The following MBP variants were observed in gnomAD, a reference collection of about 807,000 sequenced individuals.
The protein encoded by MBP is myelin basic protein.
Under a neutral mutation model 35.8 loss-of-function variants are expected in MBP, and 16 were observed. The ratio of observed to expected loss-of-function variants is 0.45; its 90% CI spans 0.30 to 0.68. MBP has a LOEUF of 0.68. Ranked by LOEUF, MBP falls within the 30% of genes least tolerant of loss-of-function variation. The pLI is 0.08. For synonymous variants in MBP, 143 were observed against 159.6 expected (o/e 0.90, Z 0.78); for missense variants, 380 against 404.7 (o/e 0.94, Z 0.52).
chr18:77,066,330 G>A lies in MBP; in HGVS notation c.107C>T (p.Ser36Leu). Residue 36 changes from serine (S) to leucine (L), a missense_variant, in exon 3 of 9, where the codon TCA becomes TTA. Coordinates refer to ENST00000355994, the MANE Select transcript of MBP (RefSeq NM_001025101.2). ...SEKKRNLGEL[S>L]RTTSEDNEVF... ...TTCGTTGTCCTCTGAGGTTGTCCGTGAAAGTTCACCCAGGTTTCTCTTTTT... is the reference window on the plus strand; with the variant it reads ...TTCGTTGTCCTCTGAGGTTGTCCGTAAAAGTTCACCCAGGTTTCTCTTTTT... 1 of 1,614,150 alleles carries A rather than the reference G, an allele frequency of 6.2e-7. No individual in the cohort carries two copies. Among genetic ancestry groups the A allele is most frequent in the East Asian group, 2.2e-5 (1 of 44,878 alleles).
intron 3 of MBP, among the ~76,000 whole-genome samples, chr18:77,050,227 T>C (rs535215397): frequency 5.9e-5 from 9 of 152,234 alleles, no homozygotes; most frequent in Non-Finnish European, 1.0e-4. Flanking sequence ...CCAAACTTGT[T>C]CAGTTTTGAC....
rs1046465516 is a variant in MBP at position 76,988,567 on chromosome 18, G to A, written c.718-40C>T. ...CAGAGAAATAATGACATGGTGGTCA[G>A]TGAAGGGAAAGTCCTTTCAATCAAC... On this transcript the variant is annotated intron_variant, in intron 6 of 8. Transcript: ENST00000355994. This position sits in a 1 kb window ranked among gnomAD's most constrained non-coding sequence, Gnocchi z 5.2. 5 of 1,595,376 alleles carry A rather than the reference G, an allele frequency of 3.1e-6. No homozygotes were observed. The highest frequency in any genetic ancestry group is 4.3e-6 in the Non-Finnish European group (5 of 1,169,912).
chr18:77,085,666 G>A (rs558308943), intron 2 of MBP, among the ~76,000 whole-genome samples: 5 of 149,984 alleles, frequency 3.3e-5, no homozygotes, highest in Non-Finnish European at 5.9e-5. Flanking sequence ...GTTTTAATGT[G>A]AGCATCAGTG....
chr18:77,013,183 T>C (rs1449032225), intron 4 of MBP: 1 of 985,432 alleles, frequency 1.0e-6, no homozygotes, highest in Non-Finnish European at 1.2e-6. Flanking sequence ...CCCTCCACAT[T>C]TGGATTTTCT....
Position 76,988,291 on chromosome 18 carries a change from A to G in MBP, c.750+204T>C. On this transcript the variant is annotated intron_variant, in intron 7 of 8. Transcript: ENST00000355994. The surrounding 1 kb of genome is among the most constrained non-coding windows in gnomAD (Gnocchi z 5.2). Reference sequence around the variant, plus strand: ...GCTGGGTCCCCGGCACAGAAGCAAGAGACCAGACCTTCCGGAAGGGAAGAC... The same window carrying G: ...GCTGGGTCCCCGGCACAGAAGCAAGGGACCAGACCTTCCGGAAGGGAAGAC... 6.4e-7 allele frequency: 1 copy of G among 1,553,902 alleles called. No homozygotes were observed. The highest frequency in any genetic ancestry group is 8.7e-7 in the Non-Finnish European group (1 of 1,148,504).
intron 4 of MBP, among the ~76,000 whole-genome samples, chr18:77,001,394 C>A (rs949030571): frequency 1.3e-5 from 2 of 152,248 alleles, no homozygotes; most frequent in African/African-American, 2.4e-5. Flanking sequence ...CCAGCCACTC[C>A]GCAGCAGTCC....
At chr18:77,016,281 T>C (rs1568291717) in intron 4 of MBP, 1 of 985,622 alleles carries the variant, frequency 1.0e-6, no homozygotes, top group Non-Finnish European at 1.2e-6. Context: ...CATTTATCCC[T>C]CCCCCCTTCC....
At chr18:76,992,825 C>T (rs1024706987) in intron 4 of MBP, among the ~76,000 whole-genome samples, 10 of 152,188 alleles carry the variant, frequency 6.6e-5, no homozygotes, top group Admixed American at 2.0e-4. Flanking sequence ...TCCCACTTGC[C>T]CTGGCTGCTG....
intron 2 of MBP, among the ~76,000 whole-genome samples, chr18:77,099,835 C>G (rs552597214): frequency 1.3e-5 from 2 of 152,220 alleles, no homozygotes; most frequent in South Asian, 2.1e-4. Context: ...GAAGAAGGAA[C>G]CTTGCACAGG....
Position 77,101,481 on chromosome 18 carries a change from G to A in MBP, c.51+3730C>T, listed in dbSNP as rs1243341989. On this transcript the variant is annotated intron_variant, in intron 2 of 8. Coordinates refer to ENST00000355994, the MANE Select transcript of MBP (RefSeq NM_001025101.2). The surrounding 1 kb of genome is among the most constrained non-coding windows in gnomAD (Gnocchi z 4.3). ...AGGAAGTTACACTCCATCCGCATGA[G>A]TGAATCATGAGTCAGGAGGGCAGGC... 6.6e-6 allele frequency among the ~76,000 whole-genome samples: 1 copy of A among 152,198 alleles called. No individual in the cohort carries two copies. Among genetic ancestry groups the A allele is most frequent in the South Asian group, 2.1e-4 (1 of 4,834 alleles).
At chr18:77,029,386 C>G (rs554299669) in intron 3 of MBP, among the ~76,000 whole-genome samples, 36 of 137,198 alleles carry the variant, frequency 2.6e-4, no homozygotes, top group African/African-American at 8.1e-4. Flanking sequence ...GGCTCGGCAT[C>G]AGAGGGAGAC....
chr18:77,096,156 A>G (rs918214215), intron 2 of MBP, among the ~76,000 whole-genome samples: 16 of 152,242 alleles, frequency 1.1e-4, no homozygotes, highest in African/African-American at 3.6e-4. Context: ...AGTCAGTGAC[A>G]TTTCACAGCT....
chr18:77,015,984 T>G, intron 4 of MBP: 1 of 985,304 alleles, frequency 1.0e-6, no homozygotes, highest in Non-Finnish European at 1.2e-6. Context: ...AAAAACTTCT[T>G]TCTCTCCAAA....
chr18:77,101,955 G>GT lies in MBP; in HGVS notation c.51+3255dup, dbSNP rs1976033186. ...TACTCTTTCGAACATCTGTAAGCCA[G>GT]TTATGTGCTGGGGATGCTCCAGGCT... On this transcript the variant is annotated intron_variant, in intron 2 of 8. Coordinates refer to ENST00000355994, the MANE Select transcript of MBP (RefSeq NM_001025101.2). The surrounding 1 kb of genome is among the most constrained non-coding windows in gnomAD (Gnocchi z 4.3). Among the ~76,000 whole-genome samples the GT allele has an allele frequency of 1.3e-5, 2 of 152,226 alleles. No individual in the cohort carries two copies. Among genetic ancestry groups the GT allele is most frequent in the Admixed American group, 1.3e-4 (2 of 15,280 alleles).
intron 2 of MBP, among the ~76,000 whole-genome samples, chr18:77,075,900 G>A (rs532690090): frequency 1.3e-5 from 2 of 152,190 alleles, no homozygotes; most frequent in Non-Finnish European, 2.9e-5. Flanking sequence ...TTAGGCCCTT[G>A]CTGGTCTCAG....
At chr18:77,028,954 C>CCT (rs1434429625) in intron 3 of MBP, among the ~76,000 whole-genome samples, 1 of 71,806 alleles carries the variant, frequency 1.4e-5, no homozygotes, top group Non-Finnish European at 3.5e-5. Context: ...CAGAGGGGCT[C>CCT]CATCCCAGAC....
At chr18:77,070,240 CAA>C (rs775997375) in intron 2 of MBP, among the ~76,000 whole-genome samples, 2 of 152,160 alleles carry the variant, frequency 1.3e-5, no homozygotes, top group African/African-American at 2.4e-5. Context: ...CGTCATTGCC[CAA>C]AAGAGTCCAA....
At chr18:77,031,072 T>C (rs1787681054) in intron 3 of MBP, among the ~76,000 whole-genome samples, 1 of 150,716 alleles carries the variant, frequency 6.6e-6, no homozygotes, top group South Asian at 2.1e-4. Flanking sequence ...CTTCAGCCAT[T>C]GCAAAAAAAA....
chr18:76,988,941 C>T lies in MBP; in HGVS notation c.682-29G>A, dbSNP rs1211329279. The stretch of plus-strand genomic sequence containing the variant: ...GAAAGACACAGAGAACCGTGGGCTG[C>T]ACTGGGAGCCCTGTGCCGCCGTCCA... On this transcript the variant is annotated intron_variant, in intron 5 of 8. Transcript: ENST00000355994. The surrounding 1 kb of genome is among the most constrained non-coding windows in gnomAD (Gnocchi z 5.2). 13 of 1,611,936 alleles carry T rather than the reference C, an allele frequency of 8.1e-6. No homozygotes were observed. The highest frequency in any genetic ancestry group is 1.1e-5 in the Non-Finnish European group (13 of 1,177,964).
Sources: allele counts gnomAD v4.1 joint callset (sites outside exome capture counted in the v4.1 genomes callset), GRCh38; gene constraint gnomAD v4.1.1; non-coding constraint Gnocchi (gnomAD v3.1); transcripts MANE v1.5; gene names NCBI Gene and HGNC (gene_info 2026-07-23, HGNC 2026-07-21).